Variants in RAP2A observed in about 807,000 individuals in gnomAD.
RAP2A encodes the protein RAP2A, member of RAS oncogene family.
RAP2A carries 5 observed loss-of-function variants against 15.1 expected under a neutral mutation model. The observed-to-expected ratio is 0.33, with a 90% CI of 0.17 to 0.70. The LOEUF is 0.70. Ranked by LOEUF, RAP2A falls within the 30% of genes least tolerant of loss-of-function variation. The pLI is 0.68. For synonymous variants in RAP2A, 110 were observed against 99.7 expected, an observed-to-expected ratio of 1.10 and a Z score of -0.62; for missense variants, 111 against 240.3, an observed-to-expected ratio of 0.46 and a Z score of 3.56.
chr13:97,462,054 T>TTA (rs922529972), intron 1 of RAP2A, among the ~76,000 whole-genome samples: 18 of 145,180 alleles, frequency 1.2e-4, no homozygotes, highest in East Asian at 3.9e-4. Context: ...ATATATATAT[T>TTA]TATATATATA....
In RAP2A at chr13:97,468,758, T is replaced by A. The variant is rs2066783269; in HGVS notation, c.*4316T>A. The A allele has an allele frequency of 6.6e-6, 1 of 152,244 alleles. No homozygotes were observed. Among genetic ancestry groups the A allele is most frequent in the Non-Finnish European group, 1.5e-5 (1 of 68,042 alleles). The allele number at this position is 152,244 out of a possible 1,614,324, so 9.4% of individuals were successfully genotyped here. The stretch of plus-strand genomic sequence containing the variant: ...ATTTTATTTGAAGTGTTTGTAAATT[T>A]TTTAATAAATTATTTAAATGTATCA... On this transcript the variant is annotated 3_prime_UTR_variant, in exon 2 of 2. Coordinates refer to ENST00000245304, the MANE Select transcript of RAP2A (RefSeq NM_021033.7).
chr13:97,435,586 C>T (rs1267173879), intron 1 of RAP2A, among the ~76,000 whole-genome samples: 1 of 150,782 alleles, frequency 6.6e-6, no homozygotes, highest in Admixed American at 6.6e-5. Flanking sequence ...TGTTAATAAG[C>T]CTTTATATAT....
intron 1 of RAP2A, among the ~76,000 whole-genome samples, chr13:97,436,924 AC>A (rs1385069519): frequency 2.0e-5 from 3 of 152,114 alleles, no homozygotes; most frequent in Non-Finnish European, 4.4e-5. Context: ...CCTCATCCTA[AC>A]CCCAGCGTCT....
intron 1 of RAP2A, among the ~76,000 whole-genome samples, chr13:97,454,447 T>C (rs1009999048): frequency 4.0e-5 from 6 of 151,134 alleles, no homozygotes; most frequent in African/African-American, 1.2e-4. Context: ...TCTGTTGTCT[T>C]TTATGTTTTT....
chr13:97,458,867 T>C (rs2066734968), intron 1 of RAP2A, among the ~76,000 whole-genome samples: 1 of 151,576 alleles, frequency 6.6e-6, no homozygotes, highest in Non-Finnish European at 1.5e-5. Context: ...CCATTAACAT[T>C]CTACAGCTAA....
intron 1 of RAP2A, among the ~76,000 whole-genome samples, chr13:97,444,267 C>T (rs1251858394): frequency 1.3e-5 from 2 of 152,068 alleles, no homozygotes; most frequent in African/African-American, 4.8e-5. Context: ...AATTTTTTGA[C>T]TCATGAGGAA....
chr13:97,449,585 CTTTCTGACTTCTTTCA>C (rs1475371815), intron 1 of RAP2A, among the ~76,000 whole-genome samples: 1 of 152,306 alleles, frequency 6.6e-6, no homozygotes, highest in Middle Eastern at 3.4e-3. Context: ...TTAAAACTAT[CTTTCTGACTTCTTTCA>C]TTTCAGTGTT....
intron 1 of RAP2A, among the ~76,000 whole-genome samples, chr13:97,434,999 C>T (rs977302280): frequency 1.4e-4 from 21 of 152,244 alleles, no homozygotes; most frequent in Non-Finnish European, 2.9e-4. Context: ...CACAGAACAG[C>T]TCTTTGTCTC....
In RAP2A at chr13:97,455,663, CAT is replaced by C. The variant is rs1359680773; in HGVS notation, c.315-8540_315-8539del. On this transcript the variant is annotated intron_variant, in intron 1 of 1. Coordinates refer to ENST00000245304, the MANE Select transcript of RAP2A (RefSeq NM_021033.7). ...ACACCACTCAGTGGCTAGTCTGAGA[CAT>C]AGGAGTGGTTTAAATTGTAGTTCAG... Among the ~76,000 whole-genome samples the C allele has an allele frequency of 2.0e-5, 3 of 151,454 alleles. 1 individual carries two copies. The highest frequency in any genetic ancestry group is 4.4e-5 in the Non-Finnish European group (3 of 67,866).
chr13:97,434,328 C>T lies in RAP2A; in HGVS notation c.-143C>T, dbSNP rs1286425108. ...TCAGTTGCCGCCGCCGCCGCCGGCG[C>T]CCAGGGGGCCGCCGCGGCTGTGAGG... On this transcript the variant is annotated 5_prime_UTR_variant, in exon 1 of 2. Coordinates refer to ENST00000245304, the MANE Select transcript of RAP2A (RefSeq NM_021033.7). 5 of 590,122 alleles carry T rather than the reference C, an allele frequency of 8.5e-6. No individual in the cohort carries two copies. The South Asian group carries it at 2.1e-4, about 25-fold the overall frequency. 36.6% of individuals were successfully genotyped at this position (590,122 alleles called of 1,614,324 possible).
At chr13:97,441,123 T>C (rs947162893) in intron 1 of RAP2A, among the ~76,000 whole-genome samples, 8 of 152,156 alleles carry the variant, frequency 5.3e-5, no homozygotes, top group Non-Finnish European at 1.2e-4. Flanking sequence ...ATGATGTCTC[T>C]TCCTCTCTAA....
intron 1 of RAP2A, among the ~76,000 whole-genome samples, chr13:97,450,667 AAAAG>A (rs972069053): frequency 4.6e-5 from 7 of 152,120 alleles, no homozygotes; most frequent in South Asian, 2.1e-4. Flanking sequence ...TTAAAAAAAA[AAAAG>A]AATCAATTAG....
At chr13:97,455,840 G>T (rs1299468758) in intron 1 of RAP2A, among the ~76,000 whole-genome samples, 1 of 151,278 alleles carries the variant, frequency 6.6e-6, no homozygotes, top group Non-Finnish European at 1.5e-5. Context: ...GTTCTCTTTA[G>T]ACCACAAGAG....
intron 1 of RAP2A, among the ~76,000 whole-genome samples, chr13:97,461,998 T>TTATATTTATATATTTATATAGATATTTA (rs2066748926): frequency 6.9e-6 from 1 of 144,556 alleles, no homozygotes; most frequent in Non-Finnish European, 1.5e-5. Flanking sequence ...ATTTATATAT[T>TTATATTTATATATTTATATAGATATTTA]TATATTTATA....
At chr13:97,448,318 C>G (rs1396718279) in intron 1 of RAP2A, among the ~76,000 whole-genome samples, 1 of 152,172 alleles carries the variant, frequency 6.6e-6, no homozygotes, top group Non-Finnish European at 1.5e-5. Context: ...CTAGAACTGC[C>G]TTACTAACAG....
At chr13:97,455,753 T>A (rs1485417389) in intron 1 of RAP2A, among the ~76,000 whole-genome samples, 4 of 151,550 alleles carry the variant, frequency 2.6e-5, no homozygotes, top group Non-Finnish European at 5.9e-5. Context: ...TATTAGCTTA[T>A]GTTGATTCAT....
chr13:97,456,516 G>A (rs1017160414), intron 1 of RAP2A, among the ~76,000 whole-genome samples: 4 of 152,088 alleles, frequency 2.6e-5, no homozygotes, highest in African/African-American at 9.7e-5. Flanking sequence ...ATTTAAAATG[G>A]CTGTGAGTTG....
intron 1 of RAP2A, among the ~76,000 whole-genome samples, chr13:97,460,667 A>G (rs1217384626): frequency 6.6e-6 from 1 of 152,134 alleles, no homozygotes; most frequent in Non-Finnish European, 1.5e-5. Context: ...ATTTCTCCAA[A>G]TGTTACCTTC....
chr13:97,453,630 A>G (rs928239687), intron 1 of RAP2A, among the ~76,000 whole-genome samples: 1 of 151,204 alleles, frequency 6.6e-6, no homozygotes, highest in African/African-American at 2.4e-5. Flanking sequence ...TCACTTGAAG[A>G]AGGACATCTT....
Sources: gnomAD v4.1 joint callset for allele counts (sites outside exome capture counted in the v4.1 genomes callset) on GRCh38, gnomAD v4.1.1 for gene constraint, MANE v1.5 for transcripts, NCBI Gene and HGNC (gene_info 2026-07-23, HGNC 2026-07-21) for gene names.